The following WASF3 variants were observed in gnomAD, a reference collection of about 807,000 sequenced individuals.
The protein encoded by WASF3 is actin-binding protein WASF3.
In WASF3, 11 loss-of-function variants were observed where a neutral mutation model predicts 46.6. That is an observed-to-expected ratio of 0.24 (90% CI 0.15 to 0.39). The LOEUF (loss-of-function observed/expected upper bound fraction) is 0.39. WASF3 is among the 10% of genes least tolerant of loss of function. The probability of loss-of-function intolerance (pLI) is 1.00; values close to 1 mark genes in which losing one functional copy is unlikely to be tolerated. For synonymous variants in WASF3, 242 were observed against 259.7 expected (o/e 0.93, Z 0.65); for missense variants, 576 against 669.8 (o/e 0.86, Z 1.55).
At chr13:26,661,511 C>T (rs997545526) in intron 3 of WASF3, among the ~76,000 whole-genome samples, 4 of 152,160 alleles carry the variant, frequency 2.6e-5, no homozygotes, top group Non-Finnish European at 5.9e-5. Context: ...TTTGTTTATC[C>T]GTTCATGTAT....
chr13:26,599,308 G>T (rs1302163043), intron 1 of WASF3, among the ~76,000 whole-genome samples: 1 of 150,868 alleles, frequency 6.6e-6, no homozygotes, highest in African/African-American at 2.4e-5. Flanking sequence ...TCAGCCTCTG[G>T]TGAAGCTGGG....
At chr13:26,550,528 G>T in the WASF3 span, among the ~76,000 whole-genome samples, 2 of 152,172 alleles carry the variant, frequency 1.3e-5, no homozygotes, top group African/African-American at 4.8e-5. Context: ...TGGGGGCTCA[G>T]AGATATTTAG....
the WASF3 span, among the ~76,000 whole-genome samples, chr13:26,544,964 G>A: frequency 6.6e-6 from 1 of 152,216 alleles, no homozygotes. Context: ...ACTGACAAAT[G>A]TCAATAACAG....
intron 1 of WASF3, among the ~76,000 whole-genome samples, chr13:26,558,062 C>T (rs1437024641): frequency 1.3e-5 from 2 of 151,650 alleles, no homozygotes; most frequent in African/African-American, 4.8e-5. Flanking sequence ...CTCGCCGTCA[C>T]GGCGCGGCCA....
At chr13:26,643,149 T>G (rs955935394) in intron 3 of WASF3, among the ~76,000 whole-genome samples, 1 of 152,214 alleles carries the variant, frequency 6.6e-6, no homozygotes, top group African/African-American at 2.4e-5. Context: ...GAAGTTGCAC[T>G]ATTTTCCCCC....
rs759272048 is a variant in WASF3 at position 26,582,473 on chromosome 13, C to T, written c.-109+24654C>T. 1.1e-4 allele frequency among the ~76,000 whole-genome samples: 16 copies of T among 151,944 alleles called. No individual in the cohort carries two copies. In the East Asian group the frequency reaches 1.4e-3, roughly 13 times the overall value. On this transcript the variant is annotated intron_variant, in intron 1 of 9. Coordinates refer to ENST00000335327, the MANE Select transcript of WASF3 (RefSeq NM_006646.6). ...GGCGGATTGCCTGAGCTCAGGAGTT[C>T]GAGAACAGCCTGGGCAACACAGTGA...
At chr13:26,543,959 A>G in the WASF3 span, among the ~76,000 whole-genome samples, 6 of 152,194 alleles carry the variant, frequency 3.9e-5, no homozygotes, top group African/African-American at 1.4e-4. Flanking sequence ...GTTCCTTAAA[A>G]AAATCCTTAA....
At chr13:26,541,645 C>CTT in the WASF3 span, among the ~76,000 whole-genome samples, 19 of 150,810 alleles carry the variant, frequency 1.3e-4, no homozygotes, top group South Asian at 2.1e-3. Flanking sequence ...CGGAAGCCCA[C>CTT]TTTTTTTTTT....
At chr13:26,595,524 AGG>A (rs1491264388) in intron 1 of WASF3, among the ~76,000 whole-genome samples, 4 of 152,086 alleles carry the variant, frequency 2.6e-5, no homozygotes, top group Non-Finnish European at 4.4e-5. Flanking sequence ...TTTAAACTGC[AGG>A]TGTGTGTGTG....
intron 1 of WASF3, among the ~76,000 whole-genome samples, chr13:26,597,915 G>A (rs1169895670): frequency 2.4e-4 from 37 of 152,016 alleles, no homozygotes; most frequent in African/African-American, 7.7e-4. Flanking sequence ...GAATAGTGCC[G>A]CAATAAACAT....
chr13:26,557,769 A>C lies in WASF3; in HGVS notation c.-159A>C. 3.9e-6 allele frequency: 1 copy of C among 256,556 alleles called. No individual in the cohort carries two copies. 15.9% of individuals were successfully genotyped at this position (256,556 alleles called of 1,614,324 possible). ...CGCCGGGCGGCCGCGGCGCGGCGGG[A>C]CCATGGAGCTCAGAGCGCAGCCCCG... On this transcript the variant is annotated 5_prime_UTR_variant, in exon 1 of 10. Transcript: ENST00000335327.
rs919663138 is a variant in WASF3, at chr13:26,572,669, G to A, written c.-109+14850G>A. On this transcript the variant is annotated intron_variant, in intron 1 of 9. Coordinates refer to ENST00000335327, the MANE Select transcript of WASF3 (RefSeq NM_006646.6). ...CAACCTCGGCCTCCCAGATTCAAGC[G>A]ATTCTGCCGAGTAGCTGAGACTATA... 5.3e-5 allele frequency among the ~76,000 whole-genome samples: 8 copies of A among 151,986 alleles called. No homozygotes were observed. The East Asian group carries it at 7.7e-4, about 15-fold the overall frequency.
At chr13:26,547,958 A>T in the WASF3 span, among the ~76,000 whole-genome samples, 3 of 152,332 alleles carry the variant, frequency 2.0e-5, no homozygotes, top group Admixed American at 2.0e-4. Context: ...CATTAATGTC[A>T]ATGAATGACA....
At chr13:26,595,189 T>G (rs1288143233) in intron 1 of WASF3, among the ~76,000 whole-genome samples, 1 of 152,228 alleles carries the variant, frequency 6.6e-6, no homozygotes, top group Non-Finnish European at 1.5e-5. Context: ...TACTTTGACT[T>G]GATGTCTTTT....
intron 2 of WASF3, among the ~76,000 whole-genome samples, chr13:26,629,341 C>G (rs1881580107): frequency 6.6e-6 from 1 of 151,764 alleles, no homozygotes; most frequent in Non-Finnish European, 1.5e-5. Flanking sequence ...TCTTCCAGTT[C>G]TTTTTATTTC....
chr13:26,606,321 CGTGTGTGTGTGTGTGT>C (rs60865367), intron 1 of WASF3, among the ~76,000 whole-genome samples: 42 of 132,056 alleles, frequency 3.2e-4, no homozygotes, highest in Admixed American at 7.8e-4. Flanking sequence ...TCTTTTTTTT[CGTGTGTGTGTGTGTGT>C]GTGTGTGTGT....
At position 26,618,076 on chromosome 13, in the gene WASF3, A is replaced by T. The variant is rs149828019; in HGVS notation, c.-11+5018A>T. On this transcript the variant is annotated intron_variant, in intron 2 of 9. Transcript: ENST00000335327. ...CCAGTCTTGGGAGTATCTTTTTAGC[A>T]GTGTGAAAACAGACGAATATGAAGT... is the stretch of plus-strand genomic sequence containing the variant. Among the ~76,000 whole-genome samples the T allele has an allele frequency of 2.0e-5, 3 of 152,282 alleles. No individual in the cohort carries two copies. In the South Asian group the frequency reaches 6.2e-4, roughly 32 times the overall value.
chr13:26,614,998 C>G (rs1478424402), intron 2 of WASF3, among the ~76,000 whole-genome samples: 1 of 152,006 alleles, frequency 6.6e-6, no homozygotes, highest in South Asian at 2.1e-4. Flanking sequence ...GAGGCAGATT[C>G]TGTTGGATGA....
At chr13:26,579,346 T>C (rs193216456) in intron 1 of WASF3, among the ~76,000 whole-genome samples, 2 of 152,178 alleles carry the variant, frequency 1.3e-5, no homozygotes, top group Non-Finnish European at 2.9e-5. Context: ...AAATTAATTA[T>C]AGTAATTATT....
Sources: gnomAD v4.1 joint callset for allele counts (sites outside exome capture counted in the v4.1 genomes callset) on GRCh38, gnomAD v4.1.1 for gene constraint, MANE v1.5 for transcripts, NCBI Gene and HGNC (gene_info 2026-07-23, HGNC 2026-07-21) for gene names.